The following ELP3 variants were observed in gnomAD, a reference collection of about 807,000 sequenced individuals.
The protein encoded by ELP3 is elongator complex protein 3.
ELP3 carries 56 observed loss-of-function variants against 74.9 expected under a neutral mutation model. The observed-to-expected ratio is 0.75, with a 90% CI of 0.60 to 0.93. The LOEUF is 0.93. Ranked by LOEUF, ELP3 falls within the 40% of genes least tolerant of loss-of-function variation. The pLI is 0.00. For synonymous variants in ELP3, 222 were observed against 239.8 expected (o/e 0.93, Z 0.68); for missense variants, 573 against 686.5 (o/e 0.83, Z 1.85).
chr8:28,162,066 G>T lies in ELP3; in HGVS notation c.1555G>T (p.Ala519Ser). Residue 519 changes from alanine (A) to serine (S), a missense_variant, in exon 14 of 15, where the codon GCT becomes TCT. By Grantham distance (99) the Ala-to-Ser change is moderately conservative. Coordinates refer to ENST00000256398, the MANE Select transcript of ELP3 (RefSeq NM_018091.6). ...AGAAGAACATGGGTCTGGGAAAATCGCTGTGATATCAGGTAACTGGGGGAG... is the reference window on the plus strand; with the variant it reads ...AGAAGAACATGGGTCTGGGAAAATCTCTGTGATATCAGGTAACTGGGGGAG... ...AREEHGSGKI[A>S]VISGVGTRNY... 3 of 1,614,138 alleles carry T rather than the reference G, an allele frequency of 1.9e-6. No homozygotes were observed. The highest frequency in any genetic ancestry group is 1.7e-6 in the Non-Finnish European group (2 of 1,179,994).
At chr8:28,117,295 G>A (rs1175635708) in intron 7 of ELP3, among the ~76,000 whole-genome samples, 1 of 152,020 alleles carries the variant, frequency 6.6e-6, no homozygotes, top group Non-Finnish European at 1.5e-5. Flanking sequence ...TAAAAATTTT[G>A]TTTTATTCTT....
At chr8:28,187,933 C>T (rs1815304946) in intron 14 of ELP3, among the ~76,000 whole-genome samples, 1 of 152,190 alleles carries the variant, frequency 6.6e-6, no homozygotes, top group Non-Finnish European at 1.5e-5. Flanking sequence ...CTCAGTGTCA[C>T]AGGAAGCGCG....
intron 10 of ELP3, among the ~76,000 whole-genome samples, chr8:28,152,942 G>A (rs922355203): frequency 6.6e-6 from 1 of 152,158 alleles, no homozygotes; most frequent in African/African-American, 2.4e-5. Context: ...TATGAGGTAG[G>A]GGTCCAGTTT....
intron 11 of ELP3, among the ~76,000 whole-genome samples, chr8:28,157,948 C>CTTTGA (rs1455141390): frequency 1.3e-5 from 2 of 150,400 alleles, no homozygotes; most frequent in African/African-American, 4.9e-5. Context: ...GTATGTAATA[C>CTTTGA]ATAGCTCTAG....
At chr8:28,171,698 C>G (rs1012445162) in intron 14 of ELP3, among the ~76,000 whole-genome samples, 5 of 151,964 alleles carry the variant, frequency 3.3e-5, no homozygotes, top group Admixed American at 6.6e-5. Context: ...TTATTTGTGT[C>G]TTTGGTATTA....
chr8:28,096,276 A>G (rs1811249397), intron 1 of ELP3, among the ~76,000 whole-genome samples: 1 of 152,262 alleles, frequency 6.6e-6, no homozygotes, highest in East Asian at 1.9e-4. Context: ...TTCATTACAT[A>G]TAACAATGCA....
At chr8:28,180,820 C>T (rs538334568) in intron 14 of ELP3, among the ~76,000 whole-genome samples, 15 of 152,292 alleles carry the variant, frequency 9.8e-5, no homozygotes, top group South Asian at 2.1e-4. Flanking sequence ...AGAATACAAT[C>T]CAGAAGAGGG....
intron 14 of ELP3, among the ~76,000 whole-genome samples, chr8:28,185,919 A>T (rs1415956161): frequency 6.6e-6 from 1 of 152,178 alleles, no homozygotes. Flanking sequence ...TCTGATTTTA[A>T]ATAGTGGCTT....
chr8:28,175,857 C>G (rs1016632512), intron 14 of ELP3, among the ~76,000 whole-genome samples: 6 of 147,878 alleles, frequency 4.1e-5, no homozygotes, highest in Non-Finnish European at 4.5e-5. Context: ...CTCTGTTACC[C>G]AAGCTGGAGT....
chr8:28,105,079 A>C (rs1811633325), intron 3 of ELP3, among the ~76,000 whole-genome samples: 3 of 152,180 alleles, frequency 2.0e-5, no homozygotes, highest in Admixed American at 1.3e-4. Context: ...GCTTTCTAGC[A>C]CAATAAAATG....
chr8:28,121,425 T>G (rs1246050074), intron 7 of ELP3, among the ~76,000 whole-genome samples: 1 of 151,394 alleles, frequency 6.6e-6, no homozygotes, highest in Non-Finnish European at 1.5e-5. Context: ...GCTCAAGACA[T>G]TCTCCTGCCT....
At chr8:28,187,678 T>G (rs1815294029) in intron 14 of ELP3, among the ~76,000 whole-genome samples, 1 of 152,160 alleles carries the variant, frequency 6.6e-6, no homozygotes, top group Admixed American at 6.5e-5. Context: ...GATTTGGAAT[T>G]TGACAGAAAG....
At chr8:28,091,797 A>G (rs952276654), upstream of ELP3, among the ~76,000 whole-genome samples, 5 of 152,342 alleles carry the variant, frequency 3.3e-5, no homozygotes, top group African/African-American at 9.6e-5. Flanking sequence ...AAAAAGAGAC[A>G]TAAGTTATCA....
chr8:28,093,903 A>G (rs1250441322), intron 1 of ELP3, among the ~76,000 whole-genome samples: 3 of 152,214 alleles, frequency 2.0e-5, no homozygotes, highest in Admixed American at 1.3e-4. Flanking sequence ...TTTCCATTTT[A>G]CAGATGAAGA....
At chr8:28,110,481 T>C in intron 6 of ELP3, 43 bp downstream of exon 6, 1 of 1,476,934 alleles carries the variant, frequency 6.8e-7, no homozygotes, top group Non-Finnish European at 9.3e-7. Flanking sequence ...TAGGTGTTTA[T>C]ACTTAGTAAG....
chr8:28,107,135 C>G (rs1311500229), intron 4 of ELP3, among the ~76,000 whole-genome samples: 1 of 152,146 alleles, frequency 6.6e-6, no homozygotes, highest in Non-Finnish European at 1.5e-5. Flanking sequence ...CTAGTCCCAG[C>G]TACTTAGGAG....
chr8:28,096,463 T>C (rs760830151), intron 1 of ELP3, among the ~76,000 whole-genome samples: 12 of 152,316 alleles, frequency 7.9e-5, no homozygotes, highest in South Asian at 2.1e-4. Flanking sequence ...CAAGCTGATA[T>C]CCCACAGCTT....
intron 10 of ELP3, among the ~76,000 whole-genome samples, chr8:28,143,113 T>G (rs1208691979): frequency 6.6e-6 from 1 of 152,226 alleles, no homozygotes; most frequent in Non-Finnish European, 1.5e-5. Flanking sequence ...TATTGGAACT[T>G]GCTTTTTATT....
At chr8:28,097,426 AT>A in intron 2 of ELP3, 108 bp downstream of exon 2, 1 of 691,406 alleles carries the variant, frequency 1.4e-6, no homozygotes, top group Non-Finnish European at 2.4e-6. Context: ...TTAGTTGAGA[AT>A]TTTAGCTTTC....
Sources: gnomAD v4.1 joint callset for allele counts (sites outside exome capture counted in the v4.1 genomes callset) on GRCh38, gnomAD v4.1.1 for gene constraint, MANE v1.5 for transcripts, NCBI Gene and HGNC (gene_info 2026-07-23, HGNC 2026-07-21) for gene names.